The following CDK14 variants were observed in gnomAD, a reference collection of about 807,000 sequenced individuals.
CDK14 encodes the protein cyclin dependent kinase 14.
A neutral mutation model predicts 60.7 loss-of-function variants in CDK14; 34 were observed. The ratio of observed to expected loss-of-function variants is 0.56; its 90% CI spans 0.43 to 0.75. CDK14 has a LOEUF of 0.75. Among genes scored for constraint, CDK14 ranks in the 30% least tolerant of loss-of-function variants. The probability of loss-of-function intolerance (pLI) is 0.00; values close to 1 mark genes in which losing one functional copy is unlikely to be tolerated. For missense variants in CDK14, 482 were observed against 564.1 expected (o/e 0.85, Z 1.47); for synonymous variants, 197 against 203.7 (o/e 0.97, Z 0.28).
chr7:90,744,573 C>G (rs1350878180), intron 3 of CDK14, among the ~76,000 whole-genome samples: 1 of 150,110 alleles, frequency 6.7e-6, no homozygotes. Context: ...CTCCTCACTT[C>G]CCAGTAGGGG....
At chr7:91,139,189 T>C (rs1800370463) in intron 14 of CDK14, among the ~76,000 whole-genome samples, 2 of 152,162 alleles carry the variant, frequency 1.3e-5, no homozygotes, top group Admixed American at 1.3e-4. Flanking sequence ...TAGAATTATT[T>C]TAAGTATTAA....
chr7:90,799,204 TTTAAA>T (rs901602945), intron 5 of CDK14, among the ~76,000 whole-genome samples: 2 of 152,176 alleles, frequency 1.3e-5, no homozygotes, highest in African/African-American at 4.8e-5. Flanking sequence ...AGGGAACAAA[TTTAAA>T]TTAAAATGGT....
chr7:91,019,311 T>C (rs1796381216), intron 10 of CDK14, among the ~76,000 whole-genome samples: 2 of 152,170 alleles, frequency 1.3e-5, no homozygotes, highest in African/African-American at 4.8e-5. Flanking sequence ...ACTTCTTTCA[T>C]GTCTGTAACG....
Position 90,884,917 on chromosome 7 carries a change from C to A in CDK14, c.640-14374C>A, listed in dbSNP as rs75217214. Among the ~76,000 whole-genome samples the A allele has an allele frequency of 3.4e-3, 521 of 152,238 alleles. 4 individuals are homozygous for A. The highest frequency in any genetic ancestry group is 0.012 in the African/African-American group (488 of 41,530). ...CTGAAACTGGAACCCTTCCTTAATG[C>A]CTTATACAAAATTTAGTGCAAGATG... On this transcript the variant is annotated intron_variant, in intron 6 of 14. Transcript: ENST00000380050.
intron 2 of CDK14, among the ~76,000 whole-genome samples, chr7:90,616,295 TTTA>T (rs1387269146): frequency 6.6e-6 from 1 of 152,230 alleles, no homozygotes; most frequent in Non-Finnish European, 1.5e-5. Context: ...GAAAACATTT[TTTA>T]TTAAAAAATA....
intron 9 of CDK14, among the ~76,000 whole-genome samples, chr7:90,976,616 A>G (rs1422781072): frequency 6.6e-6 from 1 of 151,932 alleles, no homozygotes; most frequent in Admixed American, 6.6e-5. Context: ...CTCCCACCTC[A>G]GCTTCCAAAC....
intron 11 of CDK14, among the ~76,000 whole-genome samples, chr7:91,046,823 C>T (rs1010772615): frequency 6.6e-6 from 1 of 152,082 alleles, no homozygotes; most frequent in African/African-American, 2.4e-5. Flanking sequence ...TGAATAATAT[C>T]TGTTAGAGGA....
chr7:90,911,224 A>G (rs1053011444), intron 7 of CDK14, among the ~76,000 whole-genome samples: 3 of 152,090 alleles, frequency 2.0e-5, no homozygotes, highest in Non-Finnish European at 2.9e-5. Flanking sequence ...TAGTGATTCA[A>G]CTCCAGTTGT....
chr7:91,038,433 G>A (rs376835085), intron 10 of CDK14, among the ~76,000 whole-genome samples: 7 of 152,100 alleles, frequency 4.6e-5, no homozygotes, highest in African/African-American at 7.2e-5. Context: ...AGAAATAGAC[G>A]TTTATCAAAT....
intron 7 of CDK14, among the ~76,000 whole-genome samples, chr7:90,910,313 C>T (rs897919182): frequency 1.3e-5 from 2 of 152,110 alleles, no homozygotes; most frequent in African/African-American, 4.8e-5. Flanking sequence ...TGAAACTCAA[C>T]TAAATGGAAT....
At position 91,205,251 on chromosome 7, in the gene CDK14, C is replaced by T. The variant is rs147607999; in HGVS notation, c.*29-1914C>T. On this transcript the variant is annotated intron_variant, in intron 14 of 14. Transcript: ENST00000380050. ...ACTTATACATGAATATTCAGAGCAGCACTATTCACTATTAGCCAAAAGATG... is the reference window on the plus strand; with the variant it reads ...ACTTATACATGAATATTCAGAGCAGTACTATTCACTATTAGCCAAAAGATG... 3.2e-3 allele frequency among the ~76,000 whole-genome samples: 492 copies of T among 152,222 alleles called. 1 individual carries two copies. The highest frequency in any genetic ancestry group is 7.5e-3 in the Admixed American group (114 of 15,278).
At chr7:91,009,061 T>C (rs1007346055) in intron 10 of CDK14, among the ~76,000 whole-genome samples, 1 of 152,274 alleles carries the variant, frequency 6.6e-6, no homozygotes, top group South Asian at 2.1e-4. Flanking sequence ...CTGTCTGCTG[T>C]CACTGTAGAT....
chr7:90,662,736 A>G (rs569420311), intron 2 of CDK14, among the ~76,000 whole-genome samples: 49 of 152,176 alleles, frequency 3.2e-4, no homozygotes, highest in Non-Finnish European at 5.9e-4. Context: ...TTGCCTTTTA[A>G]TTTTTTATAG....
At chr7:90,785,827 C>T (rs1805558188) in intron 4 of CDK14, among the ~76,000 whole-genome samples, 1 of 148,854 alleles carries the variant, frequency 6.7e-6, no homozygotes, top group African/African-American at 2.5e-5. Flanking sequence ...CTAGACCTTG[C>T]TTTACTCCCA....
rs578029721 is a variant in CDK14 at position 91,117,170 on chromosome 7, A to G, written c.1295-895A>G. Among the ~76,000 whole-genome samples, 8 of 150,216 alleles carry G rather than the reference A, an allele frequency of 5.3e-5. No individual in the cohort carries two copies. The East Asian group carries it at 5.9e-4, about 11-fold the overall frequency. On this transcript the variant is annotated intron_variant, in intron 13 of 14. Transcript: ENST00000380050. ...GCCTTCTCTAGTCTTACCGTTGTCA[A>G]TAAATAGCAGCATCATTCTTCCAGT...
At chr7:90,799,091 G>A (rs1179347824) in intron 5 of CDK14, among the ~76,000 whole-genome samples, 1 of 152,168 alleles carries the variant, frequency 6.6e-6, no homozygotes, top group Non-Finnish European at 1.5e-5. Context: ...TCTTAGACAG[G>A]CATGAGGTGA....
intron 2 of CDK14, 105 bp downstream of exon 2, chr7:90,604,354 C>T (rs190771726): frequency 2.1e-4 from 117 of 566,262 alleles, no homozygotes; most frequent in Middle Eastern, 2.0e-3. Context: ...GCCTTTAAAA[C>T]GCGAGATAAC....
intron 11 of CDK14, among the ~76,000 whole-genome samples, chr7:91,049,753 A>G (rs990436267): frequency 6.6e-6 from 1 of 152,236 alleles, no homozygotes; most frequent in Non-Finnish European, 1.5e-5. Context: ...TACACTTATT[A>G]TTTCAGCAAT....
At chr7:90,742,303 A>T (rs1382931132) in intron 3 of CDK14, among the ~76,000 whole-genome samples, 5 of 151,942 alleles carry the variant, frequency 3.3e-5, no homozygotes, top group African/African-American at 1.2e-4. Flanking sequence ...TGCCTAAGTC[A>T]ATTTGGGTAA....
Sources: allele counts gnomAD v4.1 joint callset (sites outside exome capture counted in the v4.1 genomes callset), GRCh38; gene constraint gnomAD v4.1.1; transcripts MANE v1.5; gene names NCBI Gene and HGNC (gene_info 2026-07-23, HGNC 2026-07-21).